UBE2E2: variants seen among roughly 807,000 people sequenced by gnomAD.
The protein encoded by UBE2E2 is ubiquitin conjugating enzyme E2 E2.
Under a neutral mutation model 24.7 loss-of-function variants are expected in UBE2E2, and 6 were observed. The ratio of observed to expected loss-of-function variants is 0.24; its 90% confidence interval spans 0.13 to 0.48. UBE2E2 has a LOEUF of 0.48. Ranked by LOEUF, UBE2E2 falls within the 20% of genes least tolerant of loss-of-function variation. The pLI, the probability that UBE2E2 is intolerant of heterozygous loss-of-function variation, is 0.99. For missense variants in UBE2E2, 169 were observed against 245.0 expected, an observed-to-expected ratio of 0.69 and a Z score of 2.07; for synonymous variants, 104 against 83.6, an observed-to-expected ratio of 1.24 and a Z score of -1.33.
At chr3:23,477,102 C>G (rs1320894364) in intron 3 of UBE2E2, among the ~76,000 whole-genome samples, 1 of 151,002 alleles carries the variant, frequency 6.6e-6, no homozygotes, top group Non-Finnish European at 1.5e-5. Context: ...ATTGTGTTTG[C>G]AGTGAATAAA....
chr3:23,459,555 G>A (rs182010425), intron 3 of UBE2E2, among the ~76,000 whole-genome samples: 5 of 152,206 alleles, frequency 3.3e-5, no homozygotes, highest in Non-Finnish European at 4.4e-5. Context: ...TATCCAGAAC[G>A]TAAAAAGGAG....
chr3:23,526,748 G>T (rs1016839254), intron 4 of UBE2E2, among the ~76,000 whole-genome samples: 1 of 152,216 alleles, frequency 6.6e-6, no homozygotes, highest in Non-Finnish European at 1.5e-5. Flanking sequence ...GGAACAGTCA[G>T]TGTGTCTGTT....
intron 4 of UBE2E2, among the ~76,000 whole-genome samples, chr3:23,521,988 G>A (rs1575683040): frequency 6.7e-6 from 1 of 149,592 alleles, no homozygotes; most frequent in South Asian, 2.1e-4. Context: ...ACCTGTTTAA[G>A]TTTAGATACC....
intron 3 of UBE2E2, among the ~76,000 whole-genome samples, chr3:23,287,181 T>G (rs563536235): frequency 6.6e-6 from 1 of 152,142 alleles, no homozygotes; most frequent in Non-Finnish European, 1.5e-5. Context: ...GCAATGATCA[T>G]ATGGTTTTTG....
intron 3 of UBE2E2, among the ~76,000 whole-genome samples, chr3:23,402,478 T>G (rs1697250276): frequency 6.6e-6 from 1 of 152,228 alleles, no homozygotes; most frequent in African/African-American, 2.4e-5. Flanking sequence ...TAGATGAGTG[T>G]CAGGGTTGAT....
intron 5 of UBE2E2, among the ~76,000 whole-genome samples, chr3:23,579,538 C>CA (rs1221400755): frequency 6.7e-6 from 1 of 149,980 alleles, no homozygotes; most frequent in Non-Finnish European, 1.5e-5. Flanking sequence ...ACAACAACAA[C>CA]AAAAATTAAA....
intron 3 of UBE2E2, among the ~76,000 whole-genome samples, chr3:23,234,114 G>A (rs1365720079): frequency 1.3e-5 from 2 of 152,010 alleles, no homozygotes; most frequent in Admixed American, 1.3e-4. Context: ...AGCTTACTTG[G>A]GTGTGGGTTG....
At chr3:23,278,986 C>T (rs1354725054) in intron 3 of UBE2E2, among the ~76,000 whole-genome samples, 1 of 151,936 alleles carries the variant, frequency 6.6e-6, no homozygotes, top group African/African-American at 2.4e-5. Flanking sequence ...ACTAAATTAT[C>T]CCTTCTTTAC....
chr3:23,296,408 G>A (rs1436914227), intron 3 of UBE2E2, among the ~76,000 whole-genome samples: 1 of 151,932 alleles, frequency 6.6e-6, no homozygotes, highest in East Asian at 1.9e-4. Flanking sequence ...CTGGTATGCT[G>A]CACCCATTAA....
At chr3:23,436,094 C>T (rs1456236053) in intron 3 of UBE2E2, among the ~76,000 whole-genome samples, 1 of 152,104 alleles carries the variant, frequency 6.6e-6, no homozygotes, top group Non-Finnish European at 1.5e-5. Context: ...GCTTGCTCCC[C>T]AGCCGCTCAC....
chr3:23,393,894 A>G (rs1697010528), intron 3 of UBE2E2, among the ~76,000 whole-genome samples: 1 of 152,216 alleles, frequency 6.6e-6, no homozygotes, highest in Admixed American at 6.5e-5. Flanking sequence ...CATATTGCCT[A>G]CATCTGCTTT....
At chr3:23,210,049 G>C (rs1292343804) in intron 2 of UBE2E2, among the ~76,000 whole-genome samples, 1 of 152,098 alleles carries the variant, frequency 6.6e-6, no homozygotes, top group Non-Finnish European at 1.5e-5. Flanking sequence ...TGACCCTTCT[G>C]TTTGCCAGAC....
At chr3:23,541,780 G>A (rs1230728878) in intron 5 of UBE2E2, among the ~76,000 whole-genome samples, 4 of 152,094 alleles carry the variant, frequency 2.6e-5, no homozygotes, top group African/African-American at 4.8e-5. Context: ...CAAGTGCCTC[G>A]GCCAACCAAC....
rs1290844258 is a variant in UBE2E2, at chr3:23,407,687, G to GTA, written c.228-91920_228-91919insAT. 1.8e-3 allele frequency among the ~76,000 whole-genome samples: 257 copies of GTA among 143,296 alleles called. 1 individual carries two copies. The highest frequency in any genetic ancestry group is 6.2e-3 in the African/African-American group (235 of 37,962). 94.0% of individuals were successfully genotyped at this position (143,296 alleles called of 152,430 possible). On this transcript the variant is annotated intron_variant, in intron 3 of 5. Transcript: ENST00000396703. The surrounding 1 kb of genome is among the most constrained non-coding windows in gnomAD (Gnocchi z 4.0). ...TGTGTGTGTGTGTGTGTGTGTGTGT[G>GTA]TGTAGTATTTCAGAGAAAATCCCAG...
In UBE2E2 at chr3:23,469,393, G is replaced by A. The variant is rs189960866; in HGVS notation, c.228-30215G>A. On this transcript the variant is annotated intron_variant, in intron 3 of 5. Transcript: ENST00000396703. ...ACTAGGGATTCCTAACTTATCTACAGGAAACAGTTGTAACAAATAGAGAAA... is the reference window on the plus strand; with the variant it reads ...ACTAGGGATTCCTAACTTATCTACAAGAAACAGTTGTAACAAATAGAGAAA... Among the ~76,000 whole-genome samples, 8 of 152,162 alleles carry A rather than the reference G, an allele frequency of 5.3e-5. No individual in the cohort carries two copies. In the East Asian group the frequency reaches 5.8e-4, roughly 11 times the overall value.
chr3:23,352,519 C>A (rs967376888), intron 3 of UBE2E2, among the ~76,000 whole-genome samples: 1 of 152,018 alleles, frequency 6.6e-6, no homozygotes, highest in Non-Finnish European at 1.5e-5. Flanking sequence ...AGAGAAGAAG[C>A]AAATAGATGC....
chr3:23,349,062 A>G (rs1445505556), intron 3 of UBE2E2, among the ~76,000 whole-genome samples: 1 of 152,126 alleles, frequency 6.6e-6, no homozygotes, highest in Non-Finnish European at 1.5e-5. Context: ...CTTGGTTTCA[A>G]GAGGGAGGAG....
rs144712717 is a variant in UBE2E2, at chr3:23,348,108, G to A, written c.227+130796G>A. On this transcript the variant is annotated intron_variant, in intron 3 of 5. Transcript: ENST00000396703. Reference sequence around the variant, plus strand: ...CCATCAATCATCGCAAGACGACAATGGTATGAATAACCAATGTTTACTTCA... The same window carrying A: ...CCATCAATCATCGCAAGACGACAATAGTATGAATAACCAATGTTTACTTCA... Among the ~76,000 whole-genome samples, 4 of 152,222 alleles carry A rather than the reference G, an allele frequency of 2.6e-5. No individual in the cohort carries two copies. The East Asian group carries it at 7.7e-4, about 29-fold the overall frequency.
intron 3 of UBE2E2, among the ~76,000 whole-genome samples, chr3:23,252,520 G>A (rs1421795460): frequency 1.3e-5 from 2 of 151,938 alleles, no homozygotes; most frequent in Non-Finnish European, 2.9e-5. Flanking sequence ...TTTTTGAGAC[G>A]GAGTCTAGCT....
Sources: allele counts gnomAD v4.1 joint callset (sites outside exome capture counted in the v4.1 genomes callset), GRCh38; gene constraint gnomAD v4.1.1; non-coding constraint Gnocchi (gnomAD v3.1); transcripts MANE v1.5; gene names NCBI Gene and HGNC (gene_info 2026-07-23, HGNC 2026-07-21).